PDE4D: variants seen among roughly 807,000 people sequenced by gnomAD.
The protein encoded by PDE4D is 3',5'-cyclic-AMP phosphodiesterase 4D.
Under a neutral mutation model 87.4 loss-of-function variants are expected in PDE4D, and 24 were observed. The observed-to-expected ratio is 0.27, with a 90% CI of 0.20 to 0.39. The LOEUF is 0.39. PDE4D is among the 10% of genes least tolerant of loss of function. The pLI is 1.00. For missense variants in PDE4D, 714 were observed against 1,041.0 expected (o/e 0.69, Z 4.32); for synonymous variants, 384 against 383.2 (o/e 1.00, Z -0.02).
At chr5:60,488,553 T>A (rs1749334663), upstream of PDE4D, 1 of 151,628 alleles carries the variant, frequency 6.6e-6, no homozygotes, top group Admixed American at 6.6e-5. Context: ...GTGTGCAGGA[T>A]CATTTGTTAT....
chr5:60,211,061 C>T (rs1016921932), intron 1 of PDE4D, among the ~76,000 whole-genome samples: 3 of 152,184 alleles, frequency 2.0e-5, no homozygotes, highest in African/African-American at 7.2e-5. Context: ...CCCTCAGCCG[C>T]TTTCTCTCCA....
At chr5:60,144,273 T>C (rs962593572) in intron 2 of PDE4D, among the ~76,000 whole-genome samples, 2 of 152,218 alleles carry the variant, frequency 1.3e-5, no homozygotes, top group African/African-American at 4.8e-5. Flanking sequence ...CTCTTCTCTT[T>C]CCTGTCATAC....
intron 2 of PDE4D, among the ~76,000 whole-genome samples, chr5:60,065,396 T>C (rs1444461760): frequency 6.6e-6 from 1 of 152,042 alleles, no homozygotes; most frequent in African/African-American, 2.4e-5. Context: ...TGATTATTTG[T>C]GTGAGTAGGT....
chr5:60,452,003 T>G (rs1416667680), intron 1 of PDE4D, among the ~76,000 whole-genome samples: 1 of 152,148 alleles, frequency 6.6e-6, no homozygotes, highest in East Asian at 1.9e-4. Context: ...CAAATAGTTT[T>G]TCTCAATAGC....
intron 1 of PDE4D, among the ~76,000 whole-genome samples, chr5:60,413,711 G>GT (rs1365101550): frequency 1.6e-5 from 2 of 122,344 alleles, no homozygotes; most frequent in Admixed American, 7.6e-5. Flanking sequence ...TTCTTTTTTC[G>GT]TTTATTTTTT....
chr5:59,379,477 T>A (rs191065759), intron 1 of PDE4D, among the ~76,000 whole-genome samples: 69 of 152,292 alleles, frequency 4.5e-4, no homozygotes, highest in Admixed American at 3.3e-3. Context: ...TTCTTTATTT[T>A]TATATGTATA....
chr5:59,384,186 G>A (rs1385964349), intron 1 of PDE4D, among the ~76,000 whole-genome samples: 3 of 152,122 alleles, frequency 2.0e-5, no homozygotes, highest in African/African-American at 7.2e-5. Context: ...GATTATAGGC[G>A]TGAGCCACTG....
chr5:60,357,961 T>G (rs1056174372), intron 1 of PDE4D, among the ~76,000 whole-genome samples: 1 of 152,206 alleles, frequency 6.6e-6, no homozygotes, highest in Non-Finnish European at 1.5e-5. Context: ...CAATACATAG[T>G]AAGTACACAG....
intron 2 of PDE4D, among the ~76,000 whole-genome samples, chr5:59,994,387 T>A (rs114682333): frequency 6.6e-6 from 1 of 152,004 alleles, no homozygotes; most frequent in African/African-American, 2.4e-5. Flanking sequence ...TATACATATA[T>A]ATATTTATAC....
At chr5:60,050,582 T>C (rs1770005128) in intron 2 of PDE4D, among the ~76,000 whole-genome samples, 1 of 152,170 alleles carries the variant, frequency 6.6e-6, no homozygotes. Context: ...TGCAAAAACA[T>C]ACCAAACTGT....
In PDE4D at chr5:60,372,007, A is replaced by G. The variant is rs1412505567; in HGVS notation, c.-90+115935T>C. Among the ~76,000 whole-genome samples, 5 of 152,294 alleles carry G rather than the reference A, an allele frequency of 3.3e-5. No individual in the cohort carries two copies. In the East Asian group the frequency reaches 9.6e-4, roughly 29 times the overall value. On this transcript the variant is annotated intron_variant, in intron 1 of 16. Transcript: ENST00000502484. ...AAAAACGGAATTGCTAGGCTATAGG[A>G]TATTACATAGGTTCAGCCTTCGTAG...
At chr5:59,551,889 T>C (rs192547441) in intron 1 of PDE4D, among the ~76,000 whole-genome samples, 1 of 152,232 alleles carries the variant, frequency 6.6e-6, no homozygotes, top group African/African-American at 2.4e-5. Flanking sequence ...AATATAGGTG[T>C]AGTATGTTTT....
At chr5:59,613,245 CAA>C (rs1471512908) in intron 1 of PDE4D, among the ~76,000 whole-genome samples, 1 of 152,096 alleles carries the variant, frequency 6.6e-6, no homozygotes, top group African/African-American at 2.4e-5. Flanking sequence ...AAAAAAGAGT[CAA>C]AGACAACAAC....
intron 13 of PDE4D, among the ~76,000 whole-genome samples, chr5:58,976,088 G>A (rs1469330752): frequency 1.3e-5 from 2 of 152,164 alleles, no homozygotes; most frequent in Admixed American, 6.5e-5. Flanking sequence ...TGGCTGACTA[G>A]ATTCAGAGCT....
intron 5 of PDE4D, among the ~76,000 whole-genome samples, chr5:59,040,379 G>C (rs1759472959): frequency 6.6e-6 from 1 of 152,194 alleles, no homozygotes; most frequent in South Asian, 2.1e-4. Flanking sequence ...CAATGTGAAA[G>C]AACCACATGG....
At chr5:59,164,373 A>T (rs1220568888) in intron 5 of PDE4D, among the ~76,000 whole-genome samples, 15 of 152,228 alleles carry the variant, frequency 9.9e-5, no homozygotes, top group Admixed American at 9.8e-4. Flanking sequence ...AGTACAGTCA[A>T]GAAAAAAATG....
Position 59,079,822 on chromosome 5 carries a change from A to G in PDE4D, c.809-40851T>C, listed in dbSNP as rs545782420. 4.7e-5 allele frequency among the ~76,000 whole-genome samples: 6 copies of G among 128,372 alleles called. No homozygotes were observed. In the East Asian group the frequency reaches 1.3e-3, roughly 28 times the overall value. 84.2% of individuals were successfully genotyped at this position (128,372 alleles called of 152,430 possible). A position where few individuals can be genotyped will look rare whatever the true frequency, so the allele number is the denominator to read the frequency against. On this transcript the variant is annotated intron_variant, in intron 5 of 14. Transcript: ENST00000340635. ...ATTACACTCTACCCAGTGTCAAGGAAAGGAAAGGAAAGGAGGGGAGAGGAG... is the reference window on the plus strand; with the variant it reads ...ATTACACTCTACCCAGTGTCAAGGAGAGGAAAGGAAAGGAGGGGAGAGGAG...
Position 59,570,326 on chromosome 5 carries a change from C to T in PDE4D, c.455+322842G>A, listed in dbSNP as rs75519920. 2.3e-3 allele frequency among the ~76,000 whole-genome samples: 349 copies of T among 152,252 alleles called. 7 individuals carry two copies. The East Asian group carries it at 0.054, about 24-fold the overall frequency. On this transcript the variant is annotated intron_variant, in intron 1 of 14. Coordinates refer to ENST00000340635, the MANE Select transcript of PDE4D (RefSeq NM_001104631.2). The stretch of plus-strand genomic sequence containing the variant: ...TCTGAAAGTATTAATACATGCATTC[C>T]CATGAGAAATATTATTGCTTCTCTA...
intron 3 of PDE4D, among the ~76,000 whole-genome samples, chr5:59,956,474 GA>G (rs1017110345): frequency 3.3e-5 from 5 of 150,590 alleles, no homozygotes; most frequent in South Asian, 2.1e-4. Flanking sequence ...ACTCATTGTG[GA>G]AAAAAAAAGC....
Sources: allele counts gnomAD v4.1 joint callset (sites outside exome capture counted in the v4.1 genomes callset), GRCh38; gene constraint gnomAD v4.1.1; transcripts MANE v1.5; gene names NCBI Gene and HGNC (gene_info 2026-07-23, HGNC 2026-07-21).